The following PTPRM variants were observed in gnomAD, a reference collection of about 807,000 sequenced individuals.
PTPRM encodes receptor-type tyrosine-protein phosphatase mu.
In PTPRM, 47 loss-of-function variants were observed where a neutral mutation model predicts 186.7. The observed-to-expected ratio is 0.25, with a 90% CI of 0.20 to 0.32. PTPRM has a LOEUF of 0.32. Among genes scored for constraint, PTPRM ranks in the 10% least tolerant of loss-of-function variants. PTPRM has a pLI of 1.00. For synonymous variants in PTPRM, 668 were observed against 674.9 expected, an observed-to-expected ratio of 0.99 and a Z score of 0.16; for missense variants, 1,494 against 1,865.0, an observed-to-expected ratio of 0.80 and a Z score of 3.66.
intron 14 of PTPRM, among the ~76,000 whole-genome samples, chr18:8,243,498 T>C (rs2094450690): frequency 6.6e-6 from 1 of 152,230 alleles, no homozygotes. Context: ...CTCTGAGCTT[T>C]GTAGGTTCTG....
intron 7 of PTPRM, among the ~76,000 whole-genome samples, chr18:8,016,768 A>G (rs1312788068): frequency 1.3e-5 from 2 of 152,176 alleles, no homozygotes; most frequent in Non-Finnish European, 2.9e-5. Flanking sequence ...TAATTTGGTC[A>G]CTAGAAATGC....
chr18:7,644,142 A>C (rs931171441), intron 1 of PTPRM, among the ~76,000 whole-genome samples: 4 of 152,176 alleles, frequency 2.6e-5, no homozygotes, highest in African/African-American at 9.7e-5. Context: ...ATTTTATAAT[A>C]CTTTGGAGGT....
In PTPRM at chr18:7,945,018, A is replaced by G. The variant is rs79364432; in HGVS notation, c.664-4163A>G. ...ATTGGGTCATCATAGGAGAGCCCTC[A>G]TTAATGGATTAATACATGTGTGGAT... On this transcript the variant is annotated intron_variant, in intron 5 of 32. Transcript: ENST00000580170. 4.8e-3 allele frequency among the ~76,000 whole-genome samples: 733 copies of G among 152,302 alleles called. 6 individuals carry two copies. The highest frequency in any genetic ancestry group is 0.017 in the African/African-American group (698 of 41,564).
chr18:7,718,704 A>G (rs537592105), intron 1 of PTPRM, among the ~76,000 whole-genome samples: 4 of 152,216 alleles, frequency 2.6e-5, no homozygotes, highest in Non-Finnish European at 2.9e-5. Context: ...AGGAACTCCA[A>G]CAAATCAGCC....
At chr18:7,596,782 TG>T in intron 1 of PTPRM, among the ~76,000 whole-genome samples, 1 of 152,282 alleles carries the variant, frequency 6.6e-6, no homozygotes, top group Admixed American at 6.5e-5. Flanking sequence ...TAAAACTCTT[TG>T]TAGAAATGCC....
intron 1 of PTPRM, among the ~76,000 whole-genome samples, chr18:7,653,190 A>C (rs1245618180): frequency 6.6e-6 from 1 of 151,420 alleles, no homozygotes; most frequent in African/African-American, 2.4e-5. Flanking sequence ...TCTGTTGCCC[A>C]GGTGGGAGTG....
At chr18:8,289,667 C>T (rs1447561232) in intron 19 of PTPRM, among the ~76,000 whole-genome samples, 1 of 148,290 alleles carries the variant, frequency 6.7e-6, no homozygotes, top group Non-Finnish European at 1.5e-5. Flanking sequence ...ACCTCAATCC[C>T]ATTATCAAAA....
intron 4 of PTPRM, among the ~76,000 whole-genome samples, chr18:7,917,763 A>G (rs79420584): frequency 0.27 from 40,680 of 151,828 alleles, 5,804 homozygotes; most frequent in East Asian, 0.44. Context: ...TTGATCTTCA[A>G]GCACTAAGTT....
chr18:8,358,987 G>A (rs1336494144), intron 23 of PTPRM, among the ~76,000 whole-genome samples: 1 of 152,104 alleles, frequency 6.6e-6, no homozygotes, highest in African/African-American at 2.4e-5. Flanking sequence ...TGTGAGTGAA[G>A]GTCACTACAC....
rs2095658626 is a variant in PTPRM, at chr18:8,370,777, C to A, written c.3055-113C>A. Reference sequence around the variant, plus strand: ...AAAATAGACCTTCCTCTTGAGTATACAATTAACTTTTGTGTGCAAATTTTG... The same window carrying A: ...AAAATAGACCTTCCTCTTGAGTATAAAATTAACTTTTGTGTGCAAATTTTG... On this transcript the variant is annotated intron_variant, in intron 23 of 32. Transcript: ENST00000580170. The A allele has an allele frequency of 5.0e-6, 3 of 601,456 alleles. 1 individual carries two copies. Among genetic ancestry groups the A allele is most frequent in the South Asian group, 5.2e-5 (2 of 38,612 alleles). The allele number at this position is 601,456 out of a possible 1,614,324, so 37.3% of individuals were successfully genotyped here.
At chr18:7,900,979 C>G (rs939929556) in intron 3 of PTPRM, among the ~76,000 whole-genome samples, 1 of 152,064 alleles carries the variant, frequency 6.6e-6, no homozygotes, top group Admixed American at 6.5e-5. Flanking sequence ...TGGCACATCC[C>G]CAGATCAATT....
At chr18:8,106,759 G>A (rs1200336036) in intron 11 of PTPRM, among the ~76,000 whole-genome samples, 1 of 152,216 alleles carries the variant, frequency 6.6e-6, no homozygotes, top group African/African-American at 2.4e-5. Context: ...ATCTTGTGCT[G>A]AGAGTCATAA....
chr18:7,968,408 A>G (rs1275006487), intron 7 of PTPRM, among the ~76,000 whole-genome samples: 2 of 143,008 alleles, frequency 1.4e-5, no homozygotes, highest in African/African-American at 5.4e-5. Context: ...CTAATGAGCA[A>G]AATCACCAGC....
intron 14 of PTPRM, among the ~76,000 whole-genome samples, chr18:8,220,314 G>A (rs944044387): frequency 4.6e-5 from 7 of 152,162 alleles, no homozygotes; most frequent in African/African-American, 1.7e-4. Context: ...GTACCAACTT[G>A]CTTTTTTGAG....
intron 7 of PTPRM, among the ~76,000 whole-genome samples, chr18:8,037,519 A>G (rs1414427494): frequency 6.6e-6 from 1 of 152,192 alleles, no homozygotes; most frequent in Non-Finnish European, 1.5e-5. Flanking sequence ...TATTGAAAAT[A>G]CCCATTTCTC....
intron 14 of PTPRM, among the ~76,000 whole-genome samples, chr18:8,145,898 G>A (rs1481000694): frequency 6.6e-6 from 1 of 152,174 alleles, no homozygotes; most frequent in Non-Finnish European, 1.5e-5. Flanking sequence ...GGTCCTTGAG[G>A]AATCACCACA....
At chr18:7,746,176 T>C (rs2040981305) in intron 1 of PTPRM, among the ~76,000 whole-genome samples, 1 of 152,014 alleles carries the variant, frequency 6.6e-6, no homozygotes, top group Non-Finnish European at 1.5e-5. Flanking sequence ...CAAAGAACAC[T>C]ATATTTAGGC....
intron 14 of PTPRM, among the ~76,000 whole-genome samples, chr18:8,195,046 C>T (rs565894726): frequency 2.0e-5 from 3 of 152,050 alleles, no homozygotes; most frequent in Admixed American, 1.3e-4. Context: ...GGACAACATT[C>T]TGCACAGAAA....
chr18:8,110,782 A>C (rs1418449002), intron 11 of PTPRM, among the ~76,000 whole-genome samples: 1 of 152,232 alleles, frequency 6.6e-6, no homozygotes, highest in Non-Finnish European at 1.5e-5. Flanking sequence ...ATACAGAAGG[A>C]ATTGAGGTCA....
Sources: gnomAD v4.1 joint callset for allele counts (sites outside exome capture counted in the v4.1 genomes callset) on GRCh38, gnomAD v4.1.1 for gene constraint, MANE v1.5 for transcripts, NCBI Gene and HGNC (gene_info 2026-07-23, HGNC 2026-07-21) for gene names.